The following SETD3 variants were observed in gnomAD, a reference collection of about 807,000 sequenced individuals.
SETD3 encodes the protein SET domain containing 3, actin N3(tau)-histidine methyltransferase, also known as actin-histidine N-methyltransferase.
Under a neutral mutation model 63.0 loss-of-function variants are expected in SETD3, and 19 were observed. The ratio of observed to expected loss-of-function variants is 0.30; its 90% confidence interval spans 0.21 to 0.44. The LOEUF (loss-of-function observed/expected upper bound fraction) is 0.44. Among genes scored for constraint, SETD3 ranks in the 20% least tolerant of loss-of-function variants. The probability of loss-of-function intolerance (pLI) is 1.00; values close to 1 mark genes in which losing one functional copy is unlikely to be tolerated. For synonymous variants in SETD3, 286 were observed against 264.1 expected, an observed-to-expected ratio of 1.08 and a Z score of -0.80; for missense variants, 587 against 728.5, an observed-to-expected ratio of 0.81 and a Z score of 2.24.
chr14:99,401,192 C>T (rs1386575882), intron 11 of SETD3, among the ~76,000 whole-genome samples: 1 of 152,034 alleles, frequency 6.6e-6, no homozygotes, highest in Admixed American at 6.5e-5. Flanking sequence ...ATCTCTCTCA[C>T]TTGTCAGGAA....
At chr14:99,430,779 G>A (rs947210276) in intron 6 of SETD3, among the ~76,000 whole-genome samples, 11 of 152,140 alleles carry the variant, frequency 7.2e-5, no homozygotes, top group Admixed American at 3.9e-4. Flanking sequence ...GATCCTCCAC[G>A]AGCACCATGC....
intron 6 of SETD3, among the ~76,000 whole-genome samples, chr14:99,424,995 T>A (rs1595180190): frequency 6.6e-6 from 1 of 151,694 alleles, no homozygotes; most frequent in Admixed American, 6.6e-5. Context: ...AAGGGGATGG[T>A]GGGGAGGACA....
At chr14:99,442,730 T>A (rs1473398695) in intron 6 of SETD3, among the ~76,000 whole-genome samples, 3 of 152,224 alleles carry the variant, frequency 2.0e-5, no homozygotes, top group African/African-American at 7.2e-5. Flanking sequence ...ATCAACTGTT[T>A]GCGTTACTGG....
At chr14:99,402,885 T>A (rs143952884) in intron 11 of SETD3, among the ~76,000 whole-genome samples, 88 of 152,340 alleles carry the variant, frequency 5.8e-4, no homozygotes, top group African/African-American at 2.0e-3. Flanking sequence ...TCAAGGAATA[T>A]CATCACCATC....
chr14:99,404,455 G>A (rs1891570688), intron 10 of SETD3, 145 bp from the exon 11 acceptor site: 1 of 684,426 alleles, frequency 1.5e-6, no homozygotes, highest in South Asian at 2.0e-5. Context: ...CATCTCAACT[G>A]TGAGCACGAT....
intron 6 of SETD3, chr14:99,444,216 T>C (rs1893999017): frequency 6.6e-6 from 1 of 152,196 alleles, no homozygotes; most frequent in South Asian, 2.1e-4. Context: ...GGATCTGCCA[T>C]TCACAAGGCT....
chr14:99,482,102 C>T (rs1896351113), upstream of SETD3, among the ~76,000 whole-genome samples: 1 of 152,218 alleles, frequency 6.6e-6, no homozygotes, highest in Admixed American at 6.5e-5. Flanking sequence ...GGTTATGTGA[C>T]AGCTCCTAAA....
intron 6 of SETD3, among the ~76,000 whole-genome samples, chr14:99,453,046 T>G (rs189873424): frequency 6.6e-6 from 1 of 152,134 alleles, no homozygotes; most frequent in African/African-American, 2.4e-5. Context: ...ACAGCCTCAA[T>G]GCCGAAAACA....
intron 6 of SETD3, among the ~76,000 whole-genome samples, chr14:99,442,462 G>A (rs981402917): frequency 8.5e-5 from 13 of 152,096 alleles, no homozygotes; most frequent in Non-Finnish European, 1.6e-4. Context: ...TGAACCACAC[G>A]GGTATGAACT....
chr14:99,471,001 T>C (rs373288246), intron 1 of SETD3, among the ~76,000 whole-genome samples: 2 of 152,142 alleles, frequency 1.3e-5, no homozygotes, highest in Non-Finnish European at 2.9e-5. Context: ...GGTGAGTATA[T>C]CAGGGTCCTC....
chr14:99,461,959 A>G (rs1895087485), intron 3 of SETD3, among the ~76,000 whole-genome samples: 1 of 152,246 alleles, frequency 6.6e-6, no homozygotes, highest in South Asian at 2.1e-4. Flanking sequence ...AAATTTTTCA[A>G]ATATCAATTA....
chr14:99,416,551 A>G (rs1414766447), intron 6 of SETD3, among the ~76,000 whole-genome samples: 1 of 152,212 alleles, frequency 6.6e-6, no homozygotes, highest in Non-Finnish European at 1.5e-5. Flanking sequence ...TTGTAACTGT[A>G]GATTCCAAGA....
the SETD3 span, among the ~76,000 whole-genome samples, chr14:99,486,039 A>T: frequency 6.6e-6 from 1 of 152,232 alleles, no homozygotes; most frequent in African/African-American, 2.4e-5. Flanking sequence ...TAAACTGTAC[A>T]AATCAGTCGT....
intron 1 of SETD3, chr14:99,478,892 C>T (rs1896110450): frequency 6.6e-6 from 1 of 152,184 alleles, no homozygotes; most frequent in Non-Finnish European, 1.5e-5. Flanking sequence ...CCATATTTTT[C>T]TCATTATCCA....
At chr14:99,449,653 A>G (rs1050233690) in intron 6 of SETD3, among the ~76,000 whole-genome samples, 4 of 152,234 alleles carry the variant, frequency 2.6e-5, no homozygotes, top group Admixed American at 2.6e-4. Context: ...ACTAAATGCA[A>G]TACGGGATTC....
At chr14:99,486,404 T>A in the SETD3 span, among the ~76,000 whole-genome samples, 2 of 152,246 alleles carry the variant, frequency 1.3e-5, no homozygotes, top group Admixed American at 1.3e-4. Flanking sequence ...CACAGAGTTC[T>A]GTACCCAGAC....
intron 6 of SETD3, among the ~76,000 whole-genome samples, chr14:99,441,888 CA>C: frequency 6.6e-6 from 1 of 152,330 alleles, no homozygotes; most frequent in Middle Eastern, 3.4e-3. Context: ...GTCAAGAGCA[CA>C]GGGACCCTTT....
intron 3 of SETD3, among the ~76,000 whole-genome samples, chr14:99,462,700 C>A (rs983967840): frequency 6.6e-6 from 1 of 152,188 alleles, no homozygotes; most frequent in Non-Finnish European, 1.5e-5. Flanking sequence ...CCATTATGAA[C>A]TCACCATTTT....
chr14:99,400,356 C>T, intron 11 of SETD3, 97 bp from the exon 12 acceptor site: 1 of 1,314,464 alleles, frequency 7.6e-7, no homozygotes, highest in Non-Finnish European at 1.1e-6. Flanking sequence ...TCCAACAACG[C>T]CATTTTCCCA....
Sources: allele counts gnomAD v4.1 joint callset (sites outside exome capture counted in the v4.1 genomes callset), GRCh38; gene constraint gnomAD v4.1.1; transcripts MANE v1.5; gene names NCBI Gene and HGNC (gene_info 2026-07-23, HGNC 2026-07-21).